Variants in GRM7 observed in about 807,000 individuals in gnomAD.
GRM7 encodes metabotropic glutamate receptor 7.
In GRM7, 35 loss-of-function variants were observed where a neutral mutation model predicts 84.5. The observed-to-expected ratio is 0.41, with a 90% confidence interval of 0.32 to 0.55. The LOEUF is 0.55. Ranked by LOEUF, GRM7 falls within the 20% of genes least tolerant of loss-of-function variation. The pLI is 0.19. For missense variants in GRM7, 1,003 were observed against 1,194.6 expected (o/e 0.84, Z 2.36); for synonymous variants, 487 against 455.1 (o/e 1.07, Z -0.89).
At chr3:7,398,336 G>A (rs1183953841) in intron 4 of GRM7, among the ~76,000 whole-genome samples, 4 of 152,120 alleles carry the variant, frequency 2.6e-5, no homozygotes, top group African/African-American at 9.7e-5. Flanking sequence ...ATTTATGGAA[G>A]TTATAGAGAA....
chr3:7,235,582 A>T (rs1029620230), intron 2 of GRM7, among the ~76,000 whole-genome samples: 1 of 152,192 alleles, frequency 6.6e-6, no homozygotes, highest in Non-Finnish European at 1.5e-5. Flanking sequence ...CCACCAAGGA[A>T]ATTCTTTACG....
intron 1 of GRM7, among the ~76,000 whole-genome samples, chr3:7,061,710 A>G (rs1697439306): frequency 6.6e-6 from 1 of 151,762 alleles, no homozygotes; most frequent in Non-Finnish European, 1.5e-5. Flanking sequence ...CAGGAGAGTA[A>G]GAACAGAAGC....
At chr3:7,726,591 T>C (rs1472195170) in intron 9 of GRM7, among the ~76,000 whole-genome samples, 1 of 126,958 alleles carries the variant, frequency 7.9e-6, no homozygotes, top group Admixed American at 8.2e-5. Context: ...GCCATATTCA[T>C]TTTCTCCGTC....
chr3:7,396,340 CA>C (rs199524821), intron 4 of GRM7, among the ~76,000 whole-genome samples: 11 of 150,170 alleles, frequency 7.3e-5, no homozygotes, highest in African/African-American at 1.5e-4. Flanking sequence ...TCTGAGGTAG[CA>C]AAAAAAAAGT....
intron 2 of GRM7, among the ~76,000 whole-genome samples, chr3:7,156,955 A>AG (rs1694470099): frequency 1.3e-5 from 2 of 151,182 alleles, no homozygotes; most frequent in South Asian, 4.1e-4. Context: ...ATACTTAAGC[A>AG]GAAAAAAAAA....
At chr3:7,541,485 A>C (rs1331509337) in intron 7 of GRM7, among the ~76,000 whole-genome samples, 1 of 152,202 alleles carries the variant, frequency 6.6e-6, no homozygotes, top group Non-Finnish European at 1.5e-5. Flanking sequence ...TTTTTACAGC[A>C]ACTCTGTATG....
chr3:6,972,493 T>C (rs1247543837), intron 1 of GRM7, among the ~76,000 whole-genome samples: 1 of 152,190 alleles, frequency 6.6e-6, no homozygotes, highest in Non-Finnish European at 1.5e-5. Flanking sequence ...TTTCTTTTCA[T>C]CCAGGGCCAT....
rs528980649 is a variant in GRM7 at position 7,097,701 on chromosome 3, C to G, written c.520-48751C>G. 2.6e-5 allele frequency among the ~76,000 whole-genome samples: 4 copies of G among 152,182 alleles called. No homozygotes were observed. The East Asian group carries it at 7.7e-4, about 29-fold the overall frequency. ...CGTACAAGTTTGGTCTATATACTCT[C>G]GACACTGCTAAAAACTTCGCTGTGA... On this transcript the variant is annotated intron_variant, in intron 1 of 9. Coordinates refer to ENST00000357716, the MANE Select transcript of GRM7 (RefSeq NM_000844.4).
chr3:6,898,485 G>A (rs1696269878), intron 1 of GRM7, among the ~76,000 whole-genome samples: 1 of 151,378 alleles, frequency 6.6e-6, no homozygotes, highest in Admixed American at 6.6e-5. Context: ...AATGGAACAG[G>A]CAGAGGCTGG....
chr3:7,155,823 C>T (rs1460163676), intron 2 of GRM7, among the ~76,000 whole-genome samples: 1 of 152,062 alleles, frequency 6.6e-6, no homozygotes, highest in African/African-American at 2.4e-5. Context: ...AGTAGCCGTC[C>T]CAAACACACT....
chr3:7,686,986 G>T (rs564922144), intron 9 of GRM7, among the ~76,000 whole-genome samples: 3 of 152,112 alleles, frequency 2.0e-5, no homozygotes, highest in East Asian at 1.9e-4. Context: ...AAGTTGTCTT[G>T]GTTCCTTCTC....
chr3:7,064,382 A>G (rs983360666), intron 1 of GRM7, among the ~76,000 whole-genome samples: 39 of 148,444 alleles, frequency 2.6e-4, no homozygotes, highest in African/African-American at 9.1e-4. Flanking sequence ...ATAGTCTCCA[A>G]TCGCATCCAG....
At chr3:7,365,684 C>T (rs927317035) in intron 4 of GRM7, among the ~76,000 whole-genome samples, 7 of 146,808 alleles carry the variant, frequency 4.8e-5, no homozygotes, top group African/African-American at 1.0e-4. Flanking sequence ...CACACACACA[C>T]ACATATATAT....
At chr3:6,913,684 G>T (rs9859343) in intron 1 of GRM7, among the ~76,000 whole-genome samples, 8,485 of 152,136 alleles carry the variant, frequency 0.056, 265 homozygotes, top group African/African-American at 0.077. Context: ...TTCTAGTCCG[G>T]CCAGAGGTTG....
chr3:7,493,394 A>G (rs1489069880), intron 7 of GRM7, among the ~76,000 whole-genome samples: 1 of 150,658 alleles, frequency 6.6e-6, no homozygotes, highest in Non-Finnish European at 1.5e-5. Flanking sequence ...TGGTTGATTG[A>G]TCCTTTTTTT....
chr3:7,318,312 T>A (rs1700654587), intron 4 of GRM7, among the ~76,000 whole-genome samples: 1 of 152,042 alleles, frequency 6.6e-6, no homozygotes, highest in Non-Finnish European at 1.5e-5. Flanking sequence ...GGGCTAAGAC[T>A]TCTCTTCCTT....
chr3:7,320,239 G>C (rs191350661), intron 4 of GRM7, among the ~76,000 whole-genome samples: 87 of 151,818 alleles, frequency 5.7e-4, no homozygotes, highest in Middle Eastern at 3.4e-3. Flanking sequence ...TGGCTGAGAC[G>C]CCTATAACAA....
At chr3:7,397,632 C>T (rs945317734) in intron 4 of GRM7, among the ~76,000 whole-genome samples, 1 of 152,110 alleles carries the variant, frequency 6.6e-6, no homozygotes, top group Non-Finnish European at 1.5e-5. Context: ...TTGATCATTG[C>T]ACATTGCATG....
intron 1 of GRM7, among the ~76,000 whole-genome samples, chr3:6,952,851 G>C (rs1176170242): frequency 2.0e-5 from 3 of 152,140 alleles, no homozygotes; most frequent in Admixed American, 6.5e-5. Flanking sequence ...TCCTATATTA[G>C]TTTGTTACCA....
Sources: allele counts gnomAD v4.1 joint callset (sites outside exome capture counted in the v4.1 genomes callset), GRCh38; gene constraint gnomAD v4.1.1; transcripts MANE v1.5; gene names NCBI Gene and HGNC (gene_info 2026-07-23, HGNC 2026-07-21).